Variants in DHRSX observed in about 807,000 individuals in gnomAD.
DHRSX encodes the protein polyprenol dehydrogenase.
In DHRSX, 31 loss-of-function variants were observed where a neutral mutation model predicts 34.0. The observed-to-expected ratio is 0.91, with a 90% CI of 0.69 to 1.23. The LOEUF (loss-of-function observed/expected upper bound fraction) is 1.23. Ranked by LOEUF, DHRSX falls within the 50% of genes most tolerant of loss-of-function variation. The pLI is 0.00. For missense variants in DHRSX, 414 were observed against 428.1 expected, an observed-to-expected ratio of 0.97 and a Z score of 0.29; for synonymous variants, 201 against 183.8, an observed-to-expected ratio of 1.09 and a Z score of -0.76.
intron 5 of DHRSX, among the ~76,000 whole-genome samples, chrX:2,244,532 T>G (rs770676227): frequency 5.1e-4 from 78 of 152,278 alleles, no homozygotes; most frequent in Non-Finnish European, 8.5e-4. Flanking sequence ...ATTGGCCTCA[T>G]AGTTCTTTTC....
chrX:2,298,626 A>ACGCACACACACACACGTACACACG (rs2041971242), intron 3 of DHRSX, among the ~76,000 whole-genome samples: 1 of 97,342 alleles, frequency 1.0e-5, no homozygotes, highest in African/African-American at 3.0e-5. Flanking sequence ...ACACACACAC[A>ACGCACACACACACACGTACACACG]CACACACACA....
At chrX:2,463,563 A>G (rs1012461986) in intron 1 of DHRSX, among the ~76,000 whole-genome samples, 1 of 152,172 alleles carries the variant, frequency 6.6e-6, no homozygotes, top group East Asian at 1.9e-4. Flanking sequence ...GGGAGCTGCA[A>G]TTCCAGAAAG....
chrX:2,419,794 A>G (rs922892026), intron 2 of DHRSX, among the ~76,000 whole-genome samples: 2 of 134,528 alleles, frequency 1.5e-5, no homozygotes, highest in Non-Finnish European at 3.1e-5. Context: ...CAGGAAGGGG[A>G]ACATCACACA....
chrX:2,361,546 C>T (rs1281120785), intron 3 of DHRSX, among the ~76,000 whole-genome samples: 1 of 152,048 alleles, frequency 6.6e-6, no homozygotes, highest in South Asian at 2.1e-4. Context: ...CTTTGAAACC[C>T]CTCAATTTTC....
At chrX:2,267,142 C>G (rs1225248912) in intron 4 of DHRSX, among the ~76,000 whole-genome samples, 195 bp from the exon 5 acceptor site, 1 of 152,182 alleles carries the variant, frequency 6.6e-6, no homozygotes, top group Non-Finnish European at 1.5e-5. Context: ...TCACTGAAGT[C>G]CCTTCCTGCC....
chrX:2,447,719 C>G (rs2044156393), intron 1 of DHRSX, among the ~76,000 whole-genome samples: 1 of 146,594 alleles, frequency 6.8e-6, no homozygotes, highest in Non-Finnish European at 1.5e-5. Flanking sequence ...GGAAATCCTG[C>G]CATTTGCAAC....
intron 1 of DHRSX, chrX:2,489,118 C>G (rs1447484763): frequency 6.2e-7 from 1 of 1,613,622 alleles, no homozygotes; most frequent in Admixed American, 1.7e-5. Context: ...GCGTGGATGT[C>G]CGCATGAGCT....
In DHRSX at chrX:2,298,616, A is replaced by ACACACACACACACGCG. The variant is rs1556457298; in HGVS notation, c.287-7014_287-7013insCGCGTGTGTGTGTGTG. Among the ~76,000 whole-genome samples the ACACACACACACACGCG allele has an allele frequency of 2.4e-3, 332 of 138,372 alleles. 23 individuals are homozygous for ACACACACACACACGCG. Among genetic ancestry groups the ACACACACACACACGCG allele is most frequent in the African/African-American group, 0.01 (305 of 29,982 alleles). The allele number at this position is 138,372 out of a possible 152,430, so 90.8% of individuals were successfully genotyped here. A position where few individuals can be genotyped will look rare whatever the true frequency, so the allele number is the denominator to read the frequency against. ...GGCGCGTGTGTACACACACACACACACACACACACACACACACACACGAGG... is the reference window on the plus strand; with the variant it reads ...GGCGCGTGTGTACACACACACACACACACACACACACACGCGCACACACACACACACACACACGAGG... On this transcript the variant is annotated intron_variant, in intron 3 of 6. Transcript: ENST00000334651.
At chrX:2,454,356 G>A (rs1603114759) in intron 1 of DHRSX, among the ~76,000 whole-genome samples, 1 of 152,054 alleles carries the variant, frequency 6.6e-6, no homozygotes, top group African/African-American at 2.4e-5. Context: ...CTGAAACGCT[G>A]TGTCTACTAA....
intron 5 of DHRSX, among the ~76,000 whole-genome samples, chrX:2,244,304 T>C (rs2016227908): frequency 6.6e-6 from 1 of 150,672 alleles, no homozygotes; most frequent in Non-Finnish European, 1.5e-5. Context: ...GTAACGTGCC[T>C]CTCTCTCTCT....
intron 1 of DHRSX, among the ~76,000 whole-genome samples, chrX:2,474,002 G>T (rs1326208837): frequency 6.6e-6 from 1 of 151,540 alleles, no homozygotes; most frequent in African/African-American, 2.4e-5. Flanking sequence ...CTGGGATGGC[G>T]AGGTGCAGAG....
intron 4 of DHRSX, among the ~76,000 whole-genome samples, chrX:2,283,013 G>A (rs972284026): frequency 4.0e-5 from 6 of 151,398 alleles, no homozygotes; most frequent in African/African-American, 1.5e-4. Context: ...TGGAAAGAGA[G>A]AATGACAGAG....
chrX:2,382,679 C>T (rs2043220486), intron 3 of DHRSX, among the ~76,000 whole-genome samples: 3 of 127,834 alleles, frequency 2.3e-5, no homozygotes. Context: ...TCATCATCAC[C>T]ATCACCATCA....
intron 1 of DHRSX, among the ~76,000 whole-genome samples, chrX:2,450,464 A>G (rs1344309624): frequency 6.6e-6 from 1 of 151,900 alleles, no homozygotes; most frequent in Non-Finnish European, 1.5e-5. Context: ...CTCTGTCTCA[A>G]AAAAAAAGAA....
chrX:2,240,797 G>C (rs2016123416), intron 6 of DHRSX, among the ~76,000 whole-genome samples: 1 of 152,110 alleles, frequency 6.6e-6, no homozygotes, highest in Non-Finnish European at 1.5e-5. Context: ...TCTTTGTTTT[G>C]TAAACAAATT....
chrX:2,307,789 T>TAAAAAAAAAA (rs747096554), intron 3 of DHRSX, among the ~76,000 whole-genome samples: 3 of 103,688 alleles, frequency 2.9e-5, no homozygotes, highest in South Asian at 3.0e-4. Flanking sequence ...GTAATAAAAA[T>TAAAAAAAAAA]AAAAAAAATA....
At chrX:2,308,800 C>G (rs1157297960) in intron 3 of DHRSX, among the ~76,000 whole-genome samples, 1 of 125,054 alleles carries the variant, frequency 8.0e-6, no homozygotes, top group Non-Finnish European at 1.6e-5. Context: ...GGGAGGGAAG[C>G]AAGAATGAAT....
At chrX:2,457,819 C>T (rs1198071459) in intron 1 of DHRSX, among the ~76,000 whole-genome samples, 3 of 151,610 alleles carry the variant, frequency 2.0e-5, no homozygotes, top group Non-Finnish European at 4.4e-5. Flanking sequence ...TGAAGACGTT[C>T]CCTAAGCTTG....
chrX:2,346,645 G>T (rs189466859), intron 3 of DHRSX, among the ~76,000 whole-genome samples: 3 of 105,956 alleles, frequency 2.8e-5, no homozygotes, highest in African/African-American at 1.1e-4. Context: ...TATGAGTCTG[G>T]TTTTTTTTTT....
Sources: allele counts gnomAD v4.1 joint callset (sites outside exome capture counted in the v4.1 genomes callset), GRCh38; gene constraint gnomAD v4.1.1; transcripts MANE v1.5; gene names NCBI Gene and HGNC (gene_info 2026-07-23, HGNC 2026-07-21).